CELF2: variants seen among roughly 807,000 people sequenced by gnomAD.
CELF2 encodes CUG triplet repeat RNA-binding protein 2.
A neutral mutation model predicts 62.6 loss-of-function variants in CELF2; 8 were observed. The observed-to-expected ratio is 0.13, with a 90% CI of 0.07 to 0.23. The LOEUF (loss-of-function observed/expected upper bound fraction) is 0.23, where lower values mean the gene tolerates loss of function less well. Among genes scored for constraint, CELF2 ranks in the 10% least tolerant of loss-of-function variants. CELF2 has a pLI of 1.00. For synonymous variants in CELF2, 258 were observed against 250.0 expected (o/e 1.03, Z -0.30); for missense variants, 333 against 671.0 (o/e 0.50, Z 5.56).
In CELF2 at chr10:11,316,993, G is replaced by A. The variant is rs946242919; in HGVS notation, c.1096+2735G>A. On this transcript the variant is annotated intron_variant, in intron 10 of 12. Transcript: ENST00000633077. The surrounding 1 kb of genome is among the most constrained non-coding windows in gnomAD (Gnocchi z 4.4). ...CCTCTGGATTTTTTCAGGGTTCCCT[G>A]AGCATGTTTTATATGTTAACATCTG... is the stretch of plus-strand genomic sequence containing the variant. The A allele has an allele frequency of 6.6e-6, 1 of 152,180 alleles. No individual in the cohort carries two copies. Among genetic ancestry groups the A allele is most frequent in the African/African-American group, 2.4e-5 (1 of 41,434 alleles). The allele number at this position is 152,180 out of a possible 1,614,324, so 9.4% of individuals were successfully genotyped here. A position where few individuals can be genotyped will look rare whatever the true frequency, so the allele number is the denominator to read the frequency against.
Position 11,331,611 on chromosome 10 carries a change from A to AC in CELF2, c.*2558_*2559insC, listed in dbSNP as rs1372311377. 6.6e-6 allele frequency: 1 copy of AC among 152,466 alleles called. No homozygotes were observed. The highest frequency in any genetic ancestry group is 1.5e-5 in the Non-Finnish European group (1 of 67,998). The allele number at this position is 152,466 out of a possible 1,614,324, so 9.4% of individuals were successfully genotyped here. Reference sequence around the variant, plus strand: ...GTATAAATCCCTAATATTTAAAAAAAAAAACAAAACAAAAAAAGGTTACAA... The same window carrying AC: ...GTATAAATCCCTAATATTTAAAAAAACAAAACAAAACAAAAAAAGGTTACAA... On this transcript the variant is annotated 3_prime_UTR_variant, in exon 13 of 13. Transcript: ENST00000633077.
chr10:10,516,610 G>A, the CELF2 span, among the ~76,000 whole-genome samples: 1 of 151,978 alleles, frequency 6.6e-6, no homozygotes, highest in Non-Finnish European at 1.5e-5. Flanking sequence ...AATTTACTGA[G>A]AGCTGGTTTT....
chr10:11,126,195 T>G (rs2131639057), intron 1 of CELF2, among the ~76,000 whole-genome samples: 1 of 152,350 alleles, frequency 6.6e-6, no homozygotes, highest in African/African-American at 2.4e-5. Flanking sequence ...GTTTTTATTT[T>G]TAATTTTCTG....
chr10:10,647,595 A>G, the CELF2 span, among the ~76,000 whole-genome samples: 5 of 152,206 alleles, frequency 3.3e-5, no homozygotes, highest in African/African-American at 7.2e-5. Context: ...TGCATTTTAC[A>G]TGGTGCCTCC....
chr10:10,540,231 T>C, the CELF2 span, among the ~76,000 whole-genome samples: 1 of 152,300 alleles, frequency 6.6e-6, no homozygotes, highest in African/African-American at 2.4e-5. Flanking sequence ...AAGATGCATG[T>C]CAGCACGCAG....
At chr10:10,851,802 G>A (rs940908519) in intron 1 of CELF2, among the ~76,000 whole-genome samples, 2 of 152,194 alleles carry the variant, frequency 1.3e-5, no homozygotes, top group African/African-American at 4.8e-5. Flanking sequence ...AATCGAGCAG[G>A]CATATTACCA....
the CELF2 span, among the ~76,000 whole-genome samples, chr10:10,616,544 C>T: frequency 2.0e-5 from 3 of 151,936 alleles, no homozygotes; most frequent in African/African-American, 7.3e-5. Flanking sequence ...GAAATCGTAA[C>T]ATAAATACTG....
At chr10:10,747,773 C>T in the CELF2 span, among the ~76,000 whole-genome samples, 1 of 152,192 alleles carries the variant, frequency 6.6e-6, no homozygotes, top group African/African-American at 2.4e-5. Flanking sequence ...GTGGCACGAT[C>T]TCGGCTCACT....
the CELF2 span, among the ~76,000 whole-genome samples, chr10:10,568,584 C>G: frequency 6.6e-6 from 1 of 152,178 alleles, no homozygotes; most frequent in African/African-American, 2.4e-5. Context: ...TGGTGCAGAT[C>G]TGAAGTTGAC....
At chr10:11,326,659 A>G (rs1443483811) in intron 12 of CELF2, among the ~76,000 whole-genome samples, 1 of 152,218 alleles carries the variant, frequency 6.6e-6, no homozygotes, top group Non-Finnish European at 1.5e-5. Flanking sequence ...CACCAGGACA[A>G]TAGCATTCAT....
At chr10:10,817,429 AT>A (rs1221095338) in intron 1 of CELF2, among the ~76,000 whole-genome samples, 1 of 152,122 alleles carries the variant, frequency 6.6e-6, no homozygotes, top group African/African-American at 2.4e-5. Context: ...CTTTCTGACT[AT>A]TTTTTGGTAA....
chr10:10,675,265 T>C, the CELF2 span, among the ~76,000 whole-genome samples: 1 of 152,166 alleles, frequency 6.6e-6, no homozygotes, highest in Non-Finnish European at 1.5e-5. Context: ...TATAGGAGTC[T>C]AGGTTGCTGG....
chr10:11,037,305 C>G (rs1487498044), intron 1 of CELF2, among the ~76,000 whole-genome samples: 1 of 152,160 alleles, frequency 6.6e-6, no homozygotes, highest in Non-Finnish European at 1.5e-5. Context: ...GAAACCCACC[C>G]CCTTGATTCA....
chr10:10,695,103 G>A, the CELF2 span, among the ~76,000 whole-genome samples: 3 of 149,644 alleles, frequency 2.0e-5, no homozygotes, highest in Middle Eastern at 3.4e-3. Context: ...TCCTAGTCTC[G>A]ATGGTCTTTA....
chr10:10,787,044 C>A, the CELF2 span, among the ~76,000 whole-genome samples: 25 of 152,242 alleles, frequency 1.6e-4, no homozygotes, highest in African/African-American at 6.0e-4. Context: ...CATGGACAAT[C>A]TCAGACAAAA....
At chr10:11,123,311 C>T (rs2058106687) in intron 1 of CELF2, among the ~76,000 whole-genome samples, 1 of 152,142 alleles carries the variant, frequency 6.6e-6, no homozygotes, top group Admixed American at 6.5e-5. Flanking sequence ...AATACCATGA[C>T]ACAATCCTAG....
At chr10:11,092,194 C>T (rs1240658979) in intron 1 of CELF2, 3 of 152,220 alleles carry the variant, frequency 2.0e-5, no homozygotes, top group East Asian at 1.9e-4. Flanking sequence ...TGCCACCTTA[C>T]CTTATTCATA....
At chr10:10,784,146 G>C in the CELF2 span, among the ~76,000 whole-genome samples, 2 of 152,200 alleles carry the variant, frequency 1.3e-5, no homozygotes, top group Non-Finnish European at 2.9e-5. Flanking sequence ...GAACCCCCTT[G>C]CAGGATGAGC....
the CELF2 span, among the ~76,000 whole-genome samples, chr10:10,722,040 T>C: frequency 4.6e-5 from 7 of 152,192 alleles, no homozygotes; most frequent in African/African-American, 1.4e-4. Context: ...TGGTGGCTCA[T>C]GCCTGTAATC....
Sources: allele counts gnomAD v4.1 joint callset (sites outside exome capture counted in the v4.1 genomes callset), GRCh38; gene constraint gnomAD v4.1.1; non-coding constraint Gnocchi (gnomAD v3.1); transcripts MANE v1.5; gene names NCBI Gene and HGNC (gene_info 2026-07-23, HGNC 2026-07-21).